ZNF550: variants seen among roughly 807,000 people sequenced by gnomAD.
ZNF550 encodes zinc finger protein 550.
ZNF550 carries 42 observed loss-of-function variants against 40.2 expected under a neutral mutation model. The ratio of observed to expected loss-of-function variants is 1.05; its 90% CI spans 0.82 to 1.35. ZNF550 has a LOEUF of 1.35. Ranked by LOEUF, ZNF550 falls within the 40% of genes most tolerant of loss-of-function variation. The probability of loss-of-function intolerance (pLI) is 0.00; values close to 1 mark genes in which losing one functional copy is unlikely to be tolerated. For missense variants in ZNF550, 549 were observed against 525.2 expected, an observed-to-expected ratio of 1.05 and a Z score of -0.44; for synonymous variants, 223 against 198.6, an observed-to-expected ratio of 1.12 and a Z score of -1.03.
intron 2 of ZNF550, chr19:57,555,878 T>C: frequency 3.4e-6 from 1 of 297,034 alleles, no homozygotes; most frequent in Non-Finnish European, 6.5e-6. Flanking sequence ...TGAGGACAAA[T>C]GTCTTCTGGG....
At chr19:57,546,716 C>G in exon 4 of ZNF550, 2 of 1,226,984 alleles carry the variant, frequency 1.6e-6, no homozygotes, top group Non-Finnish European at 2.0e-6. Context: ...TTCCACATTT[C>G]CCCCTGGTAT....
intron 3 of ZNF550, among the ~76,000 whole-genome samples, chr19:57,548,264 A>G (rs1030975955): frequency 4.6e-5 from 7 of 152,176 alleles, no homozygotes; most frequent in African/African-American, 1.7e-4. Context: ...AGGAAGAGAT[A>G]ATAGAGTTTT....
Position 57,547,997 on chromosome 19 carries a change from A to C in ZNF550, c.251-4T>G. ...GTATGAACTTGTGCTCTGTCACCTG[A>C]AGGGCATCAACAAACAAAGGAGGGG... On this transcript the variant is annotated splice_polypyrimidine_tract_variant and splice_region_variant and intron_variant, in intron 3 of 4. Coordinates refer to ENST00000457177, the Ensembl canonical transcript of ZNF550. 6.2e-7 allele frequency: 1 copy of C among 1,608,842 alleles called. No homozygotes were observed. Among genetic ancestry groups the C allele is most frequent in the South Asian group, 1.1e-5 (1 of 90,976 alleles).
chr19:57,549,367 C>T (rs1374569019), intron 3 of ZNF550, among the ~76,000 whole-genome samples: 1 of 152,084 alleles, frequency 6.6e-6, no homozygotes, highest in Non-Finnish European at 1.5e-5. Context: ...ATCGCTTGAA[C>T]CCGGGAGGCA....
rs541304911 is a variant in ZNF550 at position 57,547,703 on chromosome 19, C to T, written c.541G>A (p.Val181Ile). ...TGCTGTGAGTCACATTCATGGAGAA[C>T]ATCTGCTGATAACCACTCTTGTAAT... is the stretch of plus-strand genomic sequence containing the variant. The change falls in exon 4 of 5, where the codon GTT becomes ATT. Residue 181 changes from valine to isoleucine, a missense_variant. By Grantham distance (29) the Val-to-Ile change is conservative. Transcript: ENST00000457177. 333 of 1,614,200 alleles carry T rather than the reference C, an allele frequency of 2.1e-4. 2 individuals carry two copies. In the South Asian group the frequency reaches 3.3e-3, roughly 16 times the overall value.
Position 57,550,969 on chromosome 19 carries a change from C to CT in ZNF550, c.250+1657dup, listed in dbSNP as rs370139023. Among the ~76,000 whole-genome samples, 39 of 152,032 alleles carry CT rather than the reference C, an allele frequency of 2.6e-4. No individual in the cohort carries two copies. The South Asian group carries it at 3.7e-3, about 15-fold the overall frequency. On this transcript the variant is annotated intron_variant, in intron 3 of 4. Transcript: ENST00000457177. ...GCCAAGTGTAAGCAATTTGAGTACACTTTTTTTTGTTTGTTTAAACTTATA... is the reference window on the plus strand; with the variant it reads ...GCCAAGTGTAAGCAATTTGAGTACACTTTTTTTTTGTTTGTTTAAACTTATA...
chr19:57,556,443 A>G, intron 1 of ZNF550, 86 bp from the exon 2 acceptor site: 2 of 1,519,246 alleles, frequency 1.3e-6, no homozygotes, highest in Non-Finnish European at 1.8e-6. Flanking sequence ...GTCAATGTGC[A>G]GAGAGATCCA....
At chr19:57,545,273 G>A (rs558415722) in intron 4 of ZNF550, among the ~76,000 whole-genome samples, 84 of 152,200 alleles carry the variant, frequency 5.5e-4, no homozygotes, top group Middle Eastern at 3.4e-3. Context: ...AAAACTTCAC[G>A]CAAATGTTTA....
At chr19:57,552,788 C>T (rs1406511199) in intron 2 of ZNF550, 66 bp from the exon 3 acceptor site, 5 of 1,229,346 alleles carry the variant, frequency 4.1e-6, no homozygotes, top group Non-Finnish European at 5.8e-6. Context: ...CTCCATCTTG[C>T]CTAGGACTTC....
chr19:57,556,918 G>C (rs1166099087), intron 1 of ZNF550: 1 of 153,206 alleles, frequency 6.5e-6, no homozygotes, highest in South Asian at 2.1e-4. Context: ...GATGTGCCTT[G>C]GTAAACATGT....
intron 2 of ZNF550, 158 bp from the exon 3 acceptor site, chr19:57,552,880 T>C (rs1599896063): frequency 1.7e-6 from 1 of 600,300 alleles, no homozygotes. Flanking sequence ...AGGGCATTGC[T>C]CTGAGTGAGC....
At chr19:57,548,035 A>G in intron 3 of ZNF550, 42 bp from the exon 4 acceptor site, 1 of 1,534,618 alleles carries the variant, frequency 6.5e-7, no homozygotes, top group Non-Finnish European at 8.8e-7. Context: ...TTTTAGTGAT[A>G]AAATATAGAA....
chr19:57,542,337 C>T (rs959383101), exon 5 of ZNF550: 6 of 149,122 alleles, frequency 4.0e-5, no homozygotes, highest in Admixed American at 3.4e-4. Context: ...CATTCAGCTG[C>T]AAGGTACATT....
At chr19:57,556,431 T>G in intron 1 of ZNF550, 74 bp from the exon 2 acceptor site, 16 of 1,541,924 alleles carry the variant, frequency 1.0e-5, no homozygotes, top group South Asian at 1.2e-5. Flanking sequence ...ACTCAGTCTC[T>G]AGTCAATGTG....
upstream of ZNF550, among the ~76,000 whole-genome samples, chr19:57,560,359 G>C (rs1457997538): frequency 6.6e-6 from 1 of 152,168 alleles, no homozygotes; most frequent in Non-Finnish European, 1.5e-5. Context: ...TCCTCTGTGT[G>C]GACTGGTGTT....
At chr19:57,549,620 T>G (rs2090055087) in intron 3 of ZNF550, among the ~76,000 whole-genome samples, 1 of 151,780 alleles carries the variant, frequency 6.6e-6, no homozygotes, top group South Asian at 2.1e-4. Flanking sequence ...AGAGAGGAAG[T>G]GGGCAATGGG....
intron 2 of ZNF550, 59 bp from the exon 3 acceptor site, chr19:57,552,781 C>A: frequency 7.6e-7 from 1 of 1,320,522 alleles, no homozygotes; most frequent in Non-Finnish European, 1.1e-6. Flanking sequence ...AAAGTCTCTC[C>A]ATCTTGCCTA....
At chr19:57,543,525 C>T in intron 4 of ZNF550, 1 of 788,514 alleles carries the variant, frequency 1.3e-6, no homozygotes, top group Non-Finnish European at 1.5e-6. Context: ...TGTGAATGGT[C>T]ATAACTAGTC....
At chr19:57,552,521 C>A (rs1213533913) in intron 3 of ZNF550, 106 bp downstream of exon 3, 15 of 879,686 alleles carry the variant, frequency 1.7e-5, no homozygotes, top group Non-Finnish European at 2.6e-5. Context: ...ACCAGGCCCC[C>A]GGAAAGCCAC....
Sources: gnomAD v4.1 joint callset for allele counts (sites outside exome capture counted in the v4.1 genomes callset) on GRCh38, gnomAD v4.1.1 for gene constraint, MANE v1.5 for transcripts, NCBI Gene and HGNC (gene_info 2026-07-23, HGNC 2026-07-21) for gene names.